Variants in HS6ST3 observed in about 807,000 individuals in gnomAD.
HS6ST3 encodes heparan-sulfate 6-O-sulfotransferase 3.
Under a neutral mutation model 36.7 loss-of-function variants are expected in HS6ST3, and 12 were observed. The ratio of observed to expected loss-of-function variants is 0.33; its 90% CI spans 0.21 to 0.53. The LOEUF is 0.53. Among genes scored for constraint, HS6ST3 ranks in the 20% least tolerant of loss-of-function variants. HS6ST3 has a pLI of 0.95. For synonymous variants in HS6ST3, 240 were observed against 257.5 expected (o/e 0.93, Z 0.65); for missense variants, 584 against 640.9 (o/e 0.91, Z 0.96).
intron 1 of HS6ST3, among the ~76,000 whole-genome samples, chr13:96,553,396 A>G (rs2056227141): frequency 6.6e-6 from 1 of 152,158 alleles, no homozygotes. Flanking sequence ...GCCCAAGTCG[A>G]GATGCTGGGT....
intron 1 of HS6ST3, among the ~76,000 whole-genome samples, chr13:96,451,640 G>A (rs560318445): frequency 6.8e-4 from 103 of 152,272 alleles, no homozygotes; most frequent in South Asian, 3.3e-3. Context: ...TTTATGTACA[G>A]TTTTGTCCTT....
At chr13:96,782,551 T>C (rs1249396332) in intron 1 of HS6ST3, among the ~76,000 whole-genome samples, 2 of 152,180 alleles carry the variant, frequency 1.3e-5, no homozygotes, top group African/African-American at 4.8e-5. Context: ...GAAATGGAGC[T>C]GGCGGGTTCA....
intron 1 of HS6ST3, among the ~76,000 whole-genome samples, chr13:96,454,295 G>C (rs536433954): frequency 2.0e-4 from 31 of 152,136 alleles, no homozygotes; most frequent in Non-Finnish European, 3.1e-4. Flanking sequence ...CAGCCATGGG[G>C]GAGTAGGATT....
At chr13:96,582,399 G>A (rs924575157) in intron 1 of HS6ST3, among the ~76,000 whole-genome samples, 1 of 152,226 alleles carries the variant, frequency 6.6e-6, no homozygotes, top group Admixed American at 6.5e-5. Flanking sequence ...CCAAAGAAGT[G>A]ACAGAATTTG....
chr13:96,335,414 G>A (rs534736883), intron 1 of HS6ST3, among the ~76,000 whole-genome samples: 1 of 152,266 alleles, frequency 6.6e-6, no homozygotes, highest in Non-Finnish European at 1.5e-5. Flanking sequence ...TGGTTTGGGG[G>A]CCCCTGTGAC....
chr13:96,241,657 ATAAGG>A (rs1218755979), intron 1 of HS6ST3, among the ~76,000 whole-genome samples: 1 of 150,800 alleles, frequency 6.6e-6, no homozygotes, highest in Non-Finnish European at 1.5e-5. Context: ...GAGATGTGTG[ATAAGG>A]TAATCAATAA....
At chr13:96,679,618 C>G (rs1405599657) in intron 1 of HS6ST3, among the ~76,000 whole-genome samples, 1 of 152,156 alleles carries the variant, frequency 6.6e-6, no homozygotes, top group East Asian at 1.9e-4. Context: ...CAAGCCCCTG[C>G]AGCTGCTTTC....
At chr13:96,229,171 A>T (rs1484116405) in intron 1 of HS6ST3, among the ~76,000 whole-genome samples, 1 of 152,088 alleles carries the variant, frequency 6.6e-6, no homozygotes, top group East Asian at 1.9e-4. Flanking sequence ...TATGCTGAAA[A>T]ACCCAGGAGG....
At chr13:96,666,422 A>C (rs945451555) in intron 1 of HS6ST3, among the ~76,000 whole-genome samples, 1 of 152,096 alleles carries the variant, frequency 6.6e-6, no homozygotes, top group Non-Finnish European at 1.5e-5. Flanking sequence ...TGATCTGGTA[A>C]GTCTGTCATC....
At chr13:96,358,956 T>TAA (rs2055223998) in intron 1 of HS6ST3, among the ~76,000 whole-genome samples, 1 of 152,038 alleles carries the variant, frequency 6.6e-6, no homozygotes, top group Admixed American at 6.6e-5. Flanking sequence ...GGCAAAATAA[T>TAA]AATTGATTAA....
At chr13:96,646,845 T>C (rs1358780376) in intron 1 of HS6ST3, among the ~76,000 whole-genome samples, 2 of 151,890 alleles carry the variant, frequency 1.3e-5, no homozygotes, top group African/African-American at 4.8e-5. Context: ...CGGGGAAAAA[T>C]TTAATAACTG....
chr13:96,520,229 C>T (rs2056087735), intron 1 of HS6ST3, among the ~76,000 whole-genome samples: 1 of 152,156 alleles, frequency 6.6e-6, no homozygotes, highest in Non-Finnish European at 1.5e-5. Flanking sequence ...TGTTTTGGTA[C>T]CAGTACCATG....
chr13:96,344,461 G>A (rs1260740473), intron 1 of HS6ST3, among the ~76,000 whole-genome samples: 1 of 152,122 alleles, frequency 6.6e-6, no homozygotes, highest in Non-Finnish European at 1.5e-5. Flanking sequence ...TGGTCAAAAC[G>A]CCAAACTTAC....
intron 1 of HS6ST3, among the ~76,000 whole-genome samples, chr13:96,112,578 A>AATATATATATATAT (rs59107741): frequency 4.4e-4 from 36 of 81,186 alleles, no homozygotes; most frequent in African/African-American, 5.8e-4. Context: ...AAAATAAATA[A>AATATATATATATAT]ATATATATAT....
At chr13:96,804,681 T>G (rs1878156075) in intron 1 of HS6ST3, among the ~76,000 whole-genome samples, 1 of 152,060 alleles carries the variant, frequency 6.6e-6, no homozygotes, top group Non-Finnish European at 1.5e-5. Flanking sequence ...GCAGTTTCTG[T>G]GCCAAATCAG....
intron 1 of HS6ST3, among the ~76,000 whole-genome samples, chr13:96,766,926 T>G (rs1877132602): frequency 6.6e-6 from 1 of 152,232 alleles, no homozygotes; most frequent in South Asian, 2.1e-4. Flanking sequence ...GGTAGTTTGC[T>G]TTTGAACAGA....
intron 1 of HS6ST3, among the ~76,000 whole-genome samples, chr13:96,295,237 C>T (rs996029163): frequency 1.4e-4 from 22 of 151,968 alleles, no homozygotes; most frequent in African/African-American, 4.8e-4. Context: ...GATAATAATA[C>T]CTCCATGTTT....
At chr13:96,157,117 A>G (rs2054114131) in intron 1 of HS6ST3, among the ~76,000 whole-genome samples, 1 of 152,260 alleles carries the variant, frequency 6.6e-6, no homozygotes, top group African/African-American at 2.4e-5. Flanking sequence ...TCTGATGAGC[A>G]TTAAAGTCAG....
intron 1 of HS6ST3, among the ~76,000 whole-genome samples, chr13:96,156,896 A>G (rs1175922173): frequency 1.3e-5 from 2 of 152,192 alleles, no homozygotes; most frequent in East Asian, 3.9e-4. Flanking sequence ...TTATGGGAAT[A>G]ATGGTGCCTG....
Sources: allele counts gnomAD v4.1 joint callset (sites outside exome capture counted in the v4.1 genomes callset), GRCh38; gene constraint gnomAD v4.1.1; transcripts MANE v1.5; gene names NCBI Gene and HGNC (gene_info 2026-07-23, HGNC 2026-07-21).